PCNX2: variants seen among roughly 807,000 people sequenced by gnomAD.
The protein encoded by PCNX2 is pecanex-like protein 2.
A neutral mutation model predicts 223.8 loss-of-function variants in PCNX2; 168 were observed. The observed-to-expected ratio is 0.75, with a 90% CI of 0.66 to 0.85. The LOEUF (loss-of-function observed/expected upper bound fraction) is 0.85, where lower values mean the gene tolerates loss of function less well. Ranked by LOEUF, PCNX2 falls within the 40% of genes least tolerant of loss-of-function variation. The pLI, the probability that PCNX2 is intolerant of heterozygous loss-of-function variation, is 0.00. For missense variants in PCNX2, 2,507 were observed against 2,675.5 expected, an observed-to-expected ratio of 0.94 and a Z score of 1.39; for synonymous variants, 1,006 against 1,052.6, an observed-to-expected ratio of 0.96 and a Z score of 0.86.
rs756221069 is a variant in PCNX2 at position 232,998,346 on chromosome 1, G to T, written c.5696C>A (p.Ala1899Asp). The T allele has an allele frequency of 4.2e-5, 68 of 1,613,036 alleles. No homozygotes were observed. Among genetic ancestry groups the T allele is most frequent in the Non-Finnish European group, 5.8e-5 (68 of 1,179,576 alleles). Residue 1899 changes from alanine to aspartate, a missense_variant, in exon 32 of 34, where the codon GCC (alanine) becomes GAC (aspartate). By Grantham distance (126) the Ala-to-Asp change is moderately radical. Coordinates refer to ENST00000258229, the MANE Select transcript of PCNX2 (RefSeq NM_014801.4). ...GGAPTTGGNN[A>D]PSGGSQESSA... ...GCTCTCCTGGCTGCCACCACTCGGG[G>T]CATTGTTGCCACCTGTCGTCGGGGC...
At chr1:233,293,533 A>G (rs1558433676) in intron 1 of PCNX2, among the ~76,000 whole-genome samples, 1 of 152,246 alleles carries the variant, frequency 6.6e-6, no homozygotes, top group Non-Finnish European at 1.5e-5. Context: ...TATTAATGCT[A>G]ATAGTCTAAC....
rs1340920629 is a variant in PCNX2 at position 233,258,183 on chromosome 1, T to C, written c.1679A>G (p.Lys560Arg). 6.2e-7 allele frequency: 1 copy of C among 1,613,844 alleles called. No individual in the cohort carries two copies. Among genetic ancestry groups the C allele is most frequent in the East Asian group, 2.2e-5 (1 of 44,872 alleles). ...NDTEKTMPTS[K>R]SDLEAKEGQM... ...TCCTTCCTTAGCCTCTAGGTCAGAT[T>C]TGGAAGTTGGCATTGTTTTCTCTGT... The change falls in exon 5 of 34, where the codon AAA becomes AGA. Residue 560 changes from lysine (K) to arginine (R), a missense_variant. Around this residue, in one of 3 missense-constraint regions of PCNX2, gnomAD observed 1,031 missense variants for 1,021.7 expected, o/e 1.01. Transcript: ENST00000258229.
At chr1:232,988,635 C>A (rs1008302060) in intron 32 of PCNX2, among the ~76,000 whole-genome samples, 1 of 152,166 alleles carries the variant, frequency 6.6e-6, no homozygotes, top group Non-Finnish European at 1.5e-5. Flanking sequence ...ATTATCGTGG[C>A]ACTTAATTCC....
At chr1:233,282,451 A>G (rs1661240523) in intron 1 of PCNX2, among the ~76,000 whole-genome samples, 1 of 152,182 alleles carries the variant, frequency 6.6e-6, no homozygotes, top group Non-Finnish European at 1.5e-5. Flanking sequence ...GGAAACTCCA[A>G]ACTACTATGT....
intron 9 of PCNX2, among the ~76,000 whole-genome samples, chr1:233,235,957 A>AAAAATATATATATATATATATATAT (rs369886650): frequency 8.6e-5 from 8 of 93,098 alleles, no homozygotes; most frequent in East Asian, 2.7e-4. Flanking sequence ...CATAAAAAAA[A>AAAAATATATATATATATATATATAT]ATATATATAT....
chr1:233,258,935 G>A lies in PCNX2; in HGVS notation c.927C>T (p.Ser309=). The A allele has an allele frequency of 6.2e-7, 1 of 1,613,942 alleles. No homozygotes were observed. The highest frequency in any genetic ancestry group is 8.5e-7 in the Non-Finnish European group (1 of 1,179,876). ...VQSKSPQDSL[S]SSCPQCDTIV... ...TGGTGTCACATTGAGGGCAGCTGCT[G>A]CTCAGGCTGTCCTGAGGTGACTTGC... The change falls in exon 5 of 34, where the codon AGC becomes AGT. Residue 309 remains serine, a synonymous_variant. Coordinates refer to ENST00000258229, the MANE Select transcript of PCNX2 (RefSeq NM_014801.4).
chr1:233,189,069 C>G (rs1180135400), intron 15 of PCNX2, among the ~76,000 whole-genome samples: 1 of 152,150 alleles, frequency 6.6e-6, no homozygotes, highest in Non-Finnish European at 1.5e-5. Context: ...AACTTTTAGC[C>G]AGGCACTTTA....
chr1:233,152,613 C>T (rs561287121), intron 19 of PCNX2, among the ~76,000 whole-genome samples: 13 of 152,040 alleles, frequency 8.6e-5, no homozygotes, highest in South Asian at 6.2e-4. Context: ...TTAATTACTG[C>T]GCAAATTCTG....
chr1:233,054,287 A>T lies in PCNX2; in HGVS notation c.4332T>A (p.Leu1444=), dbSNP rs768839345. Reference sequence around the variant, plus strand: ...TCTTACCTCGGAATTCCAGTCCTCGAAGTTGAAAGGTGACAAGACCATTTC... The same window carrying T: ...TCTTACCTCGGAATTCCAGTCCTCGTAGTTGAAAGGTGACAAGACCATTTC... ...EIGNGLVTFQ[L]RGLEFRGTYC... Residue 1444 remains leucine (L), a synonymous_variant, in exon 25 of 34, where the codon CTT becomes CTA. Transcript: ENST00000258229. 2.5e-6 allele frequency: 4 copies of T among 1,613,644 alleles called. No homozygotes were observed. Among genetic ancestry groups the T allele is most frequent in the Non-Finnish European group, 3.4e-6 (4 of 1,179,772 alleles).
chr1:233,074,127 T>C (rs1457565451), intron 23 of PCNX2, among the ~76,000 whole-genome samples: 1 of 152,214 alleles, frequency 6.6e-6, no homozygotes, highest in Non-Finnish European at 1.5e-5. Context: ...CTCTTGCTAT[T>C]AATTTTCTAT....
chr1:233,212,094 C>G (rs16858867), intron 12 of PCNX2, among the ~76,000 whole-genome samples: 2 of 152,056 alleles, frequency 1.3e-5, no homozygotes, highest in Non-Finnish European at 2.9e-5. Context: ...TTGATGATTT[C>G]GTTTTTACTT....
At chr1:233,213,191 C>T (rs1056916345) in intron 12 of PCNX2, among the ~76,000 whole-genome samples, 1 of 152,046 alleles carries the variant, frequency 6.6e-6, no homozygotes, top group Admixed American at 6.6e-5. Context: ...CCACCTCACC[C>T]TATATATTTT....
At chr1:233,320,690 TG>T in the PCNX2 span, among the ~76,000 whole-genome samples, 2 of 152,224 alleles carry the variant, frequency 1.3e-5, no homozygotes, top group Non-Finnish European at 2.9e-5. Flanking sequence ...ACACTTTGAA[TG>T]GATCTTTTTG....
chr1:233,060,900 T>C (rs1672383491), intron 23 of PCNX2, among the ~76,000 whole-genome samples: 1 of 152,218 alleles, frequency 6.6e-6, no homozygotes, highest in South Asian at 2.1e-4. Context: ...CCCTCTTTTA[T>C]GTTAATACAA....
At chr1:233,003,294 T>C (rs1489981847) in intron 28 of PCNX2, among the ~76,000 whole-genome samples, 2 of 152,066 alleles carry the variant, frequency 1.3e-5, no homozygotes, top group East Asian at 1.9e-4. Context: ...ACAAGGAACT[T>C]AAACAAATTT....
rs1197873625 is a variant in PCNX2 at position 233,258,134 on chromosome 1, G to T, written c.1728C>A (p.Phe576Leu). The T allele has an allele frequency of 6.2e-7, 1 of 1,613,954 alleles. No homozygotes were observed. The highest frequency in any genetic ancestry group is 1.1e-5 in the South Asian group (1 of 91,078). Residue 576 changes from phenylalanine to leucine, a missense_variant, in exon 5 of 34, where the codon TTC (phenylalanine) becomes TTA (leucine). By Grantham distance (22) the Phe-to-Leu change is conservative (BLOSUM62 0). Transcript: ENST00000258229. ...ATTCTAACAGGGAGACAAATTCCAG[G>T]AAGTTGGACTCATTTGGCATTTGTC... ...KEGQMPNESN[F>L]LEFVSLLESI...
rs373315875 is a variant in PCNX2 at position 233,006,209 on chromosome 1, T to G, written c.4953-4528A>C. Among the ~76,000 whole-genome samples, 10 of 152,296 alleles carry G rather than the reference T, an allele frequency of 6.6e-5. No individual in the cohort carries two copies. The East Asian group carries it at 1.4e-3, about 21-fold the overall frequency. ...AAAATGTCACGCTTTCAGATGACGATGAGGAGCTAACACTTGAGGACATTT... is the reference window on the plus strand; with the variant it reads ...AAAATGTCACGCTTTCAGATGACGAGGAGGAGCTAACACTTGAGGACATTT... On this transcript the variant is annotated intron_variant, in intron 28 of 33. Transcript: ENST00000258229.
At chr1:232,993,358 G>C (rs1288584068) in intron 32 of PCNX2, among the ~76,000 whole-genome samples, 2 of 152,180 alleles carry the variant, frequency 1.3e-5, no homozygotes, top group Non-Finnish European at 2.9e-5. Flanking sequence ...GAGATCTGTG[G>C]AACTTCGAAC....
intron 32 of PCNX2, among the ~76,000 whole-genome samples, chr1:232,993,624 A>C (rs1669779326): frequency 6.6e-6 from 1 of 152,254 alleles, no homozygotes; most frequent in Admixed American, 6.5e-5. Flanking sequence ...ATAAGTAACA[A>C]GGAGCAGAAT....
Sources: allele counts gnomAD v4.1 joint callset (sites outside exome capture counted in the v4.1 genomes callset), GRCh38; gene constraint gnomAD v4.1.1; regional missense constraint gnomAD v4.1.1; transcripts MANE v1.5; gene names NCBI Gene and HGNC (gene_info 2026-07-23, HGNC 2026-07-21).